Variants in ELMO1 observed in about 807,000 individuals in gnomAD.
ELMO1 encodes engulfment and cell motility 1, also known as engulfment and cell motility protein 1.
In ELMO1, 26 loss-of-function variants were observed where a neutral mutation model predicts 98.9. That is an observed-to-expected ratio of 0.26 (90% CI 0.19 to 0.36). The LOEUF (loss-of-function observed/expected upper bound fraction) is 0.36, where lower values mean the gene tolerates loss of function less well. Ranked by LOEUF, ELMO1 falls within the 10% of genes least tolerant of loss-of-function variation. ELMO1 has a pLI of 1.00. For synonymous variants in ELMO1, 346 were observed against 346.0 expected, an observed-to-expected ratio of 1.00 and a Z score of 0.00; for missense variants, 627 against 935.2, an observed-to-expected ratio of 0.67 and a Z score of 4.30.
intron 15 of ELMO1, among the ~76,000 whole-genome samples, chr7:37,026,665 C>T (rs1794596250): frequency 2.0e-5 from 3 of 152,164 alleles, no homozygotes. Context: ...GATTGCATTT[C>T]CACATGCTTA....
chr7:37,052,515 T>C (rs1307166588), intron 15 of ELMO1, among the ~76,000 whole-genome samples: 1 of 152,204 alleles, frequency 6.6e-6, no homozygotes, highest in Non-Finnish European at 1.5e-5. Context: ...CCTTCATATC[T>C]AAGTCTACTA....
At chr7:37,080,649 C>T (rs781747769) in intron 15 of ELMO1, among the ~76,000 whole-genome samples, 1 of 113,716 alleles carries the variant, frequency 8.8e-6, no homozygotes, top group Admixed American at 1.2e-4. Flanking sequence ...GACAGGATTT[C>T]ACTATGTTGG....
intron 1 of ELMO1, among the ~76,000 whole-genome samples, chr7:37,383,607 A>G (rs1322268912): frequency 2.0e-5 from 3 of 152,214 alleles, no homozygotes; most frequent in Non-Finnish European, 4.4e-5. Flanking sequence ...ATATTTTGTT[A>G]CATTTTTGGA....
At chr7:37,082,817 A>G (rs1783544259) in intron 15 of ELMO1, among the ~76,000 whole-genome samples, 1 of 152,224 alleles carries the variant, frequency 6.6e-6, no homozygotes, top group Admixed American at 6.5e-5. Context: ...GGGAGAGGTA[A>G]GTCCTTTGGT....
chr7:37,321,456 G>A lies in ELMO1; in HGVS notation c.79-5496C>T, dbSNP rs1233828699. ...TAGGAGGCCGGGCGCGGTGGTTCAC[G>A]CTTGTAATCCCAGCACTTTGGGAGG... On this transcript the variant is annotated intron_variant, in intron 2 of 21. Transcript: ENST00000310758. Among the ~76,000 whole-genome samples, 5 of 151,904 alleles carry A rather than the reference G, an allele frequency of 3.3e-5. No homozygotes were observed. In the East Asian group the frequency reaches 5.8e-4, roughly 18 times the overall value.
chr7:37,423,237 A>C (rs1301265869), intron 1 of ELMO1, among the ~76,000 whole-genome samples: 1 of 152,200 alleles, frequency 6.6e-6, no homozygotes, highest in African/African-American at 2.4e-5. Context: ...GACATGATTA[A>C]GTCTGTGTCT....
At position 37,333,488 on chromosome 7, in the gene ELMO1, T is replaced by G. The variant is rs369017878; in HGVS notation, c.78+9125A>C. ...TACAGAGCAAACTAAAAATCTGCAT[T>G]TCATTTGCTGAAGGAAAAGGAGAAT... is the stretch of plus-strand genomic sequence containing the variant. On this transcript the variant is annotated intron_variant, in intron 2 of 21. Coordinates refer to ENST00000310758, the MANE Select transcript of ELMO1 (RefSeq NM_014800.11). Among the ~76,000 whole-genome samples, 45 of 152,326 alleles carry G rather than the reference T, an allele frequency of 3.0e-4. No homozygotes were observed. The East Asian group carries it at 6.9e-3, about 23-fold the overall frequency.
chr7:37,292,608 C>T (rs1245772907), intron 4 of ELMO1, among the ~76,000 whole-genome samples: 67 of 103,324 alleles, frequency 6.5e-4, no homozygotes, highest in Middle Eastern at 5.3e-3. Context: ...CTGCCCCGTC[C>T]GGGATGTGAG....
chr7:37,304,609 A>C (rs1798511607), intron 4 of ELMO1, among the ~76,000 whole-genome samples: 1 of 152,126 alleles, frequency 6.6e-6, no homozygotes, highest in Admixed American at 6.5e-5. Context: ...CCAGCTACTC[A>C]GGAAGCTGAG....
chr7:37,403,146 T>A (rs951969254), intron 1 of ELMO1, among the ~76,000 whole-genome samples: 4 of 152,182 alleles, frequency 2.6e-5, no homozygotes, highest in Non-Finnish European at 5.9e-5. Flanking sequence ...CAAAAAGACA[T>A]GGATAAGTTT....
chr7:37,053,385 T>C (rs1394807770), intron 15 of ELMO1, among the ~76,000 whole-genome samples: 6 of 151,806 alleles, frequency 4.0e-5, no homozygotes, highest in East Asian at 1.9e-4. Flanking sequence ...ATTCCAAACA[T>C]TGGTCCTGAT....
intron 17 of ELMO1, among the ~76,000 whole-genome samples, chr7:36,888,897 G>C (rs1270448353): frequency 6.6e-6 from 1 of 152,182 alleles, no homozygotes; most frequent in Non-Finnish European, 1.5e-5. Flanking sequence ...TATGAGCCAG[G>C]TAGTGCAATA....
chr7:37,278,578 T>C (rs1322177377), intron 4 of ELMO1, among the ~76,000 whole-genome samples: 1 of 152,154 alleles, frequency 6.6e-6, no homozygotes, highest in Non-Finnish European at 1.5e-5. Flanking sequence ...ATTCTACCTG[T>C]GGACAGTAGA....
At chr7:37,291,744 G>A (rs956846590) in intron 4 of ELMO1, among the ~76,000 whole-genome samples, 1 of 152,134 alleles carries the variant, frequency 6.6e-6, no homozygotes, top group African/African-American at 2.4e-5. Flanking sequence ...GTGAAACTCC[G>A]TCTCTACTAA....
chr7:37,288,554 C>T (rs1459102594), intron 4 of ELMO1, among the ~76,000 whole-genome samples: 1 of 152,152 alleles, frequency 6.6e-6, no homozygotes, highest in African/African-American at 2.4e-5. Flanking sequence ...GAGACCTTCC[C>T]TGATACCTTA....
chr7:37,364,832 T>C (rs1263735732), intron 1 of ELMO1, among the ~76,000 whole-genome samples: 2 of 152,174 alleles, frequency 1.3e-5, no homozygotes, highest in African/African-American at 2.4e-5. Context: ...TGAAGGTGGG[T>C]CAGAAGTGTC....
chr7:37,436,266 A>G (rs1007691955), intron 1 of ELMO1, among the ~76,000 whole-genome samples: 1 of 152,250 alleles, frequency 6.6e-6, no homozygotes, highest in Non-Finnish European at 1.5e-5. Context: ...ATCCTGATAT[A>G]TAGAAAAGAG....
In ELMO1 at chr7:37,440,724, G is replaced by A. The variant is rs112897207; in HGVS notation, c.-74+7951C>T. Among the ~76,000 whole-genome samples the A allele has an allele frequency of 6.1e-3, 915 of 150,774 alleles. 13 individuals are homozygous for A. Among genetic ancestry groups the A allele is most frequent in the African/African-American group, 0.019 (796 of 40,904 alleles). On this transcript the variant is annotated intron_variant, in intron 1 of 21. Coordinates refer to ENST00000310758, the MANE Select transcript of ELMO1 (RefSeq NM_014800.11). ...GCAGAGCTTGCAGTGAGCCAAGATC[G>A]CGCCACTACACTCCAGCCTGGGTGA...
chr7:37,173,012 G>A (rs1435213023), intron 13 of ELMO1, among the ~76,000 whole-genome samples: 1 of 152,128 alleles, frequency 6.6e-6, no homozygotes, highest in African/African-American at 2.4e-5. Context: ...GAGTTGAGAT[G>A]GATATGTAAG....
Sources: gnomAD v4.1 joint callset for allele counts (sites outside exome capture counted in the v4.1 genomes callset) on GRCh38, gnomAD v4.1.1 for gene constraint, MANE v1.5 for transcripts, NCBI Gene and HGNC (gene_info 2026-07-23, HGNC 2026-07-21) for gene names.